Variants in CDH8 observed in about 807,000 individuals in gnomAD.
CDH8 encodes cadherin 8.
A neutral mutation model predicts 68.1 loss-of-function variants in CDH8; 17 were observed. That is an observed-to-expected ratio of 0.25 (90% CI 0.17 to 0.37). The LOEUF (loss-of-function observed/expected upper bound fraction) is 0.37. Ranked by LOEUF, CDH8 falls within the 10% of genes least tolerant of loss-of-function variation. CDH8 has a pLI of 1.00. For synonymous variants in CDH8, 372 were observed against 365.1 expected (o/e 1.02, Z -0.21); for missense variants, 763 against 999.3 (o/e 0.76, Z 3.19).
At chr16:61,877,222 T>G (rs1365012507) in intron 3 of CDH8, among the ~76,000 whole-genome samples, 1 of 152,058 alleles carries the variant, frequency 6.6e-6, no homozygotes, top group South Asian at 2.1e-4. Flanking sequence ...TTCATCATCT[T>G]AGAACGAGAC....
At chr16:61,863,331 A>G (rs1963189527) in intron 3 of CDH8, among the ~76,000 whole-genome samples, 1 of 152,138 alleles carries the variant, frequency 6.6e-6, no homozygotes, top group African/African-American at 2.4e-5. Context: ...CCCCTTCCAC[A>G]TAATAACAGC....
At chr16:62,008,511 G>A (rs1291156082) in intron 2 of CDH8, among the ~76,000 whole-genome samples, 2 of 151,374 alleles carry the variant, frequency 1.3e-5, no homozygotes, top group African/African-American at 4.9e-5. Flanking sequence ...TTTCTTGGGG[G>A]TTTGATGGGG....
At chr16:61,688,803 A>G (rs1964156501) in intron 10 of CDH8, among the ~76,000 whole-genome samples, 1 of 152,018 alleles carries the variant, frequency 6.6e-6, no homozygotes, top group Admixed American at 6.6e-5. Context: ...GTCAACTACA[A>G]CATCAGTTCT....
chr16:61,669,668 A>C (rs1467326196), intron 10 of CDH8, among the ~76,000 whole-genome samples: 1 of 152,162 alleles, frequency 6.6e-6, no homozygotes, highest in East Asian at 1.9e-4. Flanking sequence ...TTGCCTTTCT[A>C]GTCTCTGCTC....
intron 3 of CDH8, among the ~76,000 whole-genome samples, chr16:61,890,808 T>C (rs893585204): frequency 6.6e-6 from 1 of 152,128 alleles, no homozygotes; most frequent in African/African-American, 2.4e-5. Context: ...GAATTCATCT[T>C]CTAGAAATAA....
chr16:61,653,413 G>T lies in CDH8; in HGVS notation c.*195C>A. The T allele has an allele frequency of 7.2e-7, 1 of 1,379,662 alleles. No individual in the cohort carries two copies. Among genetic ancestry groups the T allele is most frequent in the Non-Finnish European group, 9.3e-7 (1 of 1,071,136 alleles). 85.5% of individuals were successfully genotyped at this position (1,379,662 alleles called of 1,614,324 possible). The stretch of plus-strand genomic sequence containing the variant: ...CACATACTTAATTCACACTCCACAA[G>T]ATTTATAACCTCCTAACATATACTT... On this transcript the variant is annotated 3_prime_UTR_variant, in exon 12 of 12. Transcript: ENST00000577390.
chr16:61,684,610 A>T (rs1043649567), intron 10 of CDH8, among the ~76,000 whole-genome samples: 2 of 152,020 alleles, frequency 1.3e-5, no homozygotes, highest in South Asian at 2.1e-4. Context: ...CACATAACAC[A>T]TTACTAGGAC....
intron 8 of CDH8, among the ~76,000 whole-genome samples, chr16:61,745,242 C>T (rs562576236): frequency 1.2e-3 from 182 of 151,786 alleles, no homozygotes; most frequent in Non-Finnish European, 2.2e-3. Flanking sequence ...ATCAAATAAG[C>T]TGTCTGCTTT....
rs72054991 is a variant in CDH8 at position 61,657,056 on chromosome 16, G to GT, written c.1655-1336dup. Among the ~76,000 whole-genome samples the GT allele has an allele frequency of 1.0e-3, 155 of 148,328 alleles. 1 individual carries two copies. The highest frequency in any genetic ancestry group is 3.5e-3 in the Middle Eastern group (1 of 284). ...TGTTATTTGGGCAAAATAATTATTTGTTTTTTTTTTTTCAAATATTGGCCA... is the reference window on the plus strand; with the variant it reads ...TGTTATTTGGGCAAAATAATTATTTGTTTTTTTTTTTTTCAAATATTGGCCA... On this transcript the variant is annotated intron_variant, in intron 10 of 11. Coordinates refer to ENST00000577390, the MANE Select transcript of CDH8 (RefSeq NM_001796.5).
At chr16:61,709,502 G>A (rs1397347464) in intron 10 of CDH8, among the ~76,000 whole-genome samples, 1 of 152,126 alleles carries the variant, frequency 6.6e-6, no homozygotes, top group African/African-American at 2.4e-5. Flanking sequence ...TGCAACACGG[G>A]AAGTTTGAGA....
chr16:61,946,403 G>C (rs2143564405), intron 2 of CDH8, among the ~76,000 whole-genome samples: 1 of 152,276 alleles, frequency 6.6e-6, no homozygotes, highest in Middle Eastern at 3.4e-3. Context: ...GTCTTTCATG[G>C]TGCCTAACAG....
intron 7 of CDH8, among the ~76,000 whole-genome samples, chr16:61,797,471 G>A (rs544074933): frequency 3.9e-5 from 6 of 152,154 alleles, no homozygotes; most frequent in Admixed American, 3.3e-4. Flanking sequence ...CAATTTGTGC[G>A]AAACAGCTGA....
chr16:61,842,097 C>T (rs1056413175), intron 4 of CDH8, among the ~76,000 whole-genome samples: 16 of 145,984 alleles, frequency 1.1e-4, no homozygotes, highest in African/African-American at 1.0e-4. Flanking sequence ...TTAGTAGAGA[C>T]GGGATTTCAC....
intron 8 of CDH8, among the ~76,000 whole-genome samples, chr16:61,742,095 C>A (rs1044780156): frequency 2.0e-5 from 3 of 151,948 alleles, no homozygotes; most frequent in Non-Finnish European, 2.9e-5. Context: ...TGTTTAGAGG[C>A]CTTGCATCAG....
intron 2 of CDH8, among the ~76,000 whole-genome samples, chr16:61,912,530 T>C (rs1245315258): frequency 6.6e-6 from 1 of 152,028 alleles, no homozygotes; most frequent in African/African-American, 2.4e-5. Context: ...ATAAGATAAT[T>C]GGGATGAAGA....
intron 4 of CDH8, among the ~76,000 whole-genome samples, chr16:61,830,745 A>G (rs1183377891): frequency 6.6e-6 from 1 of 151,858 alleles, no homozygotes; most frequent in East Asian, 1.9e-4. Flanking sequence ...AGGAGAAGCC[A>G]TGTGACAAAA....
At chr16:61,750,595 G>A (rs987246757) in intron 8 of CDH8, among the ~76,000 whole-genome samples, 4 of 151,970 alleles carry the variant, frequency 2.6e-5, no homozygotes, top group African/African-American at 9.7e-5. Context: ...CCTATAAGCA[G>A]GTTGACTCTA....
At chr16:61,696,680 T>C (rs1964333565) in intron 10 of CDH8, among the ~76,000 whole-genome samples, 1 of 152,098 alleles carries the variant, frequency 6.6e-6, no homozygotes, top group South Asian at 2.1e-4. Context: ...AGCAAATACA[T>C]GGAATCAACT....
At chr16:61,666,178 C>CTGTGTGTGTGTGTG (rs370163800) in intron 10 of CDH8, among the ~76,000 whole-genome samples, 13 of 144,196 alleles carry the variant, frequency 9.0e-5, no homozygotes, top group Admixed American at 2.1e-4. Context: ...AGCACATACT[C>CTGTGTGTGTGTGTG]TGTGTGTGTG....
Sources: allele counts gnomAD v4.1 joint callset (sites outside exome capture counted in the v4.1 genomes callset), GRCh38; gene constraint gnomAD v4.1.1; transcripts MANE v1.5; gene names NCBI Gene and HGNC (gene_info 2026-07-23, HGNC 2026-07-21).